Variants in FSIP1 observed in about 807,000 individuals in gnomAD.
FSIP1 encodes fibrous sheath interacting protein 1, also known as fibrous sheath-interacting protein 1.
Under a neutral mutation model 60.9 loss-of-function variants are expected in FSIP1, and 65 were observed. The observed-to-expected ratio is 1.07, with a 90% CI of 0.87 to 1.31. The LOEUF (loss-of-function observed/expected upper bound fraction) is 1.31, where lower values mean the gene tolerates loss of function less well. Ranked by LOEUF, FSIP1 falls within the 40% of genes most tolerant of loss-of-function variation. The pLI is 0.00. For synonymous variants in FSIP1, 209 were observed against 221.2 expected, an observed-to-expected ratio of 0.94 and a Z score of 0.49; for missense variants, 675 against 665.5, an observed-to-expected ratio of 1.01 and a Z score of -0.16.
Position 39,681,912 on chromosome 15 carries a change from G to T in FSIP1, c.1188+31532C>A, listed in dbSNP as rs142656623. Among the ~76,000 whole-genome samples the T allele has an allele frequency of 4.2e-3, 644 of 152,310 alleles. 7 individuals are homozygous for T. The highest frequency in any genetic ancestry group is 0.015 in the African/African-American group (616 of 41,556). On this transcript the variant is annotated intron_variant, in intron 10 of 11. Transcript: ENST00000350221. Reference sequence around the variant, plus strand: ...TGATTTTGGCACCAGGACCTACTGAGATGCTTTCTCTAATGAGTCCACAGA... The same window carrying T: ...TGATTTTGGCACCAGGACCTACTGATATGCTTTCTCTAATGAGTCCACAGA...
intron 10 of FSIP1, among the ~76,000 whole-genome samples, chr15:39,710,070 C>T (rs1183515904): frequency 6.6e-6 from 1 of 152,176 alleles, no homozygotes; most frequent in African/African-American, 2.4e-5. Flanking sequence ...AGGTACAGTG[C>T]GTTTTCAGAG....
chr15:39,742,681 C>T (rs1490791147), intron 5 of FSIP1, among the ~76,000 whole-genome samples: 1 of 152,146 alleles, frequency 6.6e-6, no homozygotes, highest in East Asian at 1.9e-4. Flanking sequence ...AGTTCAGACA[C>T]CCTCTATGAG....
At chr15:39,671,078 C>T (rs866323731) in intron 10 of FSIP1, among the ~76,000 whole-genome samples, 4 of 152,274 alleles carry the variant, frequency 2.6e-5, no homozygotes, top group African/African-American at 9.6e-5. Context: ...TAATCATTTA[C>T]AGGACATACT....
intron 10 of FSIP1, among the ~76,000 whole-genome samples, chr15:39,666,921 A>T (rs1893517272): frequency 6.6e-6 from 1 of 152,242 alleles, no homozygotes; most frequent in Admixed American, 6.5e-5. Flanking sequence ...ATAGCCAAGA[A>T]GCACACTTAT....
At chr15:39,639,440 T>A (rs1345846639) in intron 10 of FSIP1, among the ~76,000 whole-genome samples, 4 of 152,150 alleles carry the variant, frequency 2.6e-5, no homozygotes, top group African/African-American at 9.7e-5. Flanking sequence ...CAATTTTAGT[T>A]CAAGGCGATA....
At position 39,765,657 on chromosome 15, in the gene FSIP1, GTTGT is replaced by G; in HGVS notation, c.396_399del (p.Lys132AsnfsTer12). 6.2e-7 allele frequency: 1 copy of G among 1,602,928 alleles called. No individual in the cohort carries two copies. The highest frequency in any genetic ancestry group is 1.1e-5 in the South Asian group (1 of 89,168). ...TGCTTCTTAATTTCTTTTTCTCTGC[GTTGT>G]TTCTTTGCCAATATTTTATCAAGTT... is the stretch of plus-strand genomic sequence containing the variant. On this transcript the variant is annotated frameshift_variant, in exon 4 of 12. Transcript: ENST00000350221. LOFTEE classifies it high-confidence loss of function.
chr15:39,757,508 T>C (rs1164253467), intron 5 of FSIP1, among the ~76,000 whole-genome samples: 1 of 152,132 alleles, frequency 6.6e-6, no homozygotes, highest in Non-Finnish European at 1.5e-5. Flanking sequence ...AGGTAATAGT[T>C]ATGTAGTCCA....
intron 10 of FSIP1, among the ~76,000 whole-genome samples, chr15:39,642,117 A>T (rs1892394341): frequency 6.6e-6 from 1 of 152,172 alleles, no homozygotes; most frequent in Non-Finnish European, 1.5e-5. Flanking sequence ...GATACTATCT[A>T]TGACTCATAT....
intron 10 of FSIP1, among the ~76,000 whole-genome samples, chr15:39,696,833 T>C (rs1248202284): frequency 6.9e-6 from 1 of 145,284 alleles, no homozygotes; most frequent in Non-Finnish European, 1.5e-5. Context: ...GGGAAGGAGA[T>C]TGAAGAAGAG....
chr15:39,729,371 AT>A (rs1595670018), intron 8 of FSIP1, among the ~76,000 whole-genome samples: 1 of 152,212 alleles, frequency 6.6e-6, no homozygotes, highest in Non-Finnish European at 1.5e-5. Flanking sequence ...CAGGAGTTCA[AT>A]ATAAGCCTGA....
At chr15:39,618,697 G>A (rs1891334164) in intron 10 of FSIP1, among the ~76,000 whole-genome samples, 1 of 152,220 alleles carries the variant, frequency 6.6e-6, no homozygotes, top group Admixed American at 6.5e-5. Context: ...GGTGTATTTG[G>A]GGAGAATGAT....
At chr15:39,647,187 A>G (rs1464605654) in intron 10 of FSIP1, among the ~76,000 whole-genome samples, 1 of 152,212 alleles carries the variant, frequency 6.6e-6, no homozygotes, top group Admixed American at 6.5e-5. Context: ...CTAACATACA[A>G]CATGAGGACT....
At chr15:39,694,642 A>C (rs985589568) in intron 10 of FSIP1, among the ~76,000 whole-genome samples, 18 of 152,072 alleles carry the variant, frequency 1.2e-4, no homozygotes, top group African/African-American at 4.3e-4. Flanking sequence ...TCTACTAAAA[A>C]TACAAAAATC....
intron 10 of FSIP1, among the ~76,000 whole-genome samples, chr15:39,640,377 C>G (rs1258044285): frequency 6.6e-6 from 1 of 152,144 alleles, no homozygotes; most frequent in Non-Finnish European, 1.5e-5. Context: ...CCTCCTTGCT[C>G]CATTATCCTG....
intron 10 of FSIP1, among the ~76,000 whole-genome samples, chr15:39,639,985 A>T (rs981033404): frequency 2.2e-4 from 33 of 152,218 alleles, no homozygotes; most frequent in Admixed American, 2.6e-4. Context: ...TTGTAATCCT[A>T]GCACCTAACA....
At chr15:39,748,431 G>A (rs557016592) in intron 5 of FSIP1, among the ~76,000 whole-genome samples, 1 of 152,020 alleles carries the variant, frequency 6.6e-6, no homozygotes, top group Admixed American at 6.6e-5. Flanking sequence ...TTTCCCTGGG[G>A]GTATTAATCA....
At position 39,684,142 on chromosome 15, in the gene FSIP1, A is replaced by G. The variant is rs1894272571; in HGVS notation, c.1188+29302T>C. On this transcript the variant is annotated intron_variant, in intron 10 of 11. Transcript: ENST00000350221. The stretch of plus-strand genomic sequence containing the variant: ...CTGGAATAACCAAAACAATTTTGAT[A>G]AAGGAAAAATAAGATTGGAAAAATC... 2.0e-5 allele frequency among the ~76,000 whole-genome samples: 3 copies of G among 152,356 alleles called. No homozygotes were observed. In the South Asian group the frequency reaches 6.2e-4, roughly 32 times the overall value.
At chr15:39,736,109 G>C (rs1473659343) in intron 8 of FSIP1, among the ~76,000 whole-genome samples, 3 of 152,214 alleles carry the variant, frequency 2.0e-5, no homozygotes, top group African/African-American at 7.2e-5. Context: ...CTAGGTGACA[G>C]GAATTTTTCA....
intron 9 of FSIP1, among the ~76,000 whole-genome samples, chr15:39,716,229 C>T (rs1390360732): frequency 6.6e-6 from 1 of 152,094 alleles, no homozygotes; most frequent in Non-Finnish European, 1.5e-5. Context: ...TGAAGTAGGA[C>T]ACATGGTAAT....
Sources: gnomAD v4.1 joint callset for allele counts (sites outside exome capture counted in the v4.1 genomes callset) on GRCh38, gnomAD v4.1.1 for gene constraint, MANE v1.5 for transcripts, NCBI Gene and HGNC (gene_info 2026-07-23, HGNC 2026-07-21) for gene names.